The following RP1L1 variants were observed in gnomAD, a reference collection of about 807,000 sequenced individuals.
RP1L1 encodes the protein RP1 like 1, also known as retinitis pigmentosa 1-like 1 protein.
A neutral mutation model predicts 15.7 loss-of-function variants in RP1L1; 27 were observed. That is an observed-to-expected ratio of 1.72 (90% CI 1.27 to 2.38). The LOEUF (loss-of-function observed/expected upper bound fraction) is 2.38. Among genes scored for constraint, RP1L1 ranks in the 30% most tolerant of loss-of-function variants. RP1L1 has a pLI of 0.00. For missense variants in RP1L1, 4,798 were observed against 3,075.9 expected (o/e 1.56, Z -13.24); for synonymous variants, 1,813 against 1,276.7 (o/e 1.42, Z -8.96).
Position 10,610,450 on chromosome 8 carries a change from G to A in RP1L1, c.3648C>T (p.Pro1216=), listed in dbSNP as rs758359270. 6.2e-7 allele frequency: 1 copy of A among 1,613,836 alleles called. No individual in the cohort carries two copies. Among genetic ancestry groups the A allele is most frequent in the East Asian group, 2.2e-5 (1 of 44,870 alleles). ...GSGGSGESSV[P]CAMDGTLVTQ... Reference sequence around the variant, plus strand: ...TCACCAGGGTGCCGTCCATGGCACAGGGTACGCTACTCTCCCCTGAGCCTC... The same window carrying A: ...TCACCAGGGTGCCGTCCATGGCACAAGGTACGCTACTCTCCCCTGAGCCTC... The change falls in exon 4 of 4, where the codon CCC becomes CCT. Residue 1216 remains proline (P), a synonymous_variant. Transcript: ENST00000382483.
intron 2 of RP1L1, chr8:10,621,481 A>T (rs1798057804): frequency 3.2e-6 from 1 of 317,404 alleles, no homozygotes; most frequent in Non-Finnish European, 6.2e-6. Flanking sequence ...GTGCGCCAAC[A>T]CACCTGGCTA....
intron 1 of RP1L1, among the ~76,000 whole-genome samples, chr8:10,652,670 G>GAA (rs1187088621): frequency 6.9e-6 from 1 of 144,430 alleles, no homozygotes; most frequent in African/African-American, 2.5e-5. Flanking sequence ...CTGTATTGAA[G>GAA]AAAAAAAAAA....
Position 10,610,870 on chromosome 8 carries a change from AG to A in RP1L1, c.3227del (p.Pro1076LeufsTer11). The A allele has an allele frequency of 6.2e-7, 1 of 1,608,828 alleles. No individual in the cohort carries two copies. Among genetic ancestry groups the A allele is most frequent in the Non-Finnish European group, 8.5e-7 (1 of 1,177,394 alleles). On this transcript the variant is annotated frameshift_variant, in exon 4 of 4. Coordinates refer to ENST00000382483, the MANE Select transcript of RP1L1 (RefSeq NM_178857.6). LOFTEE classifies it low-confidence loss of function (END_TRUNC). ...TCTGCGTGGAGGCAGACACCCGGCC[AG>A]GAAGTGCCCGCAGGCTCACCCTGCA... is the stretch of plus-strand genomic sequence containing the variant. Reference protein sequence around the residue: ...AGCRVSLRALPGRVSASTQIM... With the variant: ...AGCRVSLRALXGRVSASTQIM...
chr8:10,624,630 G>T (rs770198958), intron 1 of RP1L1, among the ~76,000 whole-genome samples: 1 of 151,372 alleles, frequency 6.6e-6, no homozygotes, highest in Non-Finnish European at 1.5e-5. Context: ...GAAGGTTGGA[G>T]GCTTTTTGCA....
intron 1 of RP1L1, among the ~76,000 whole-genome samples, chr8:10,639,441 T>C (rs1370070636): frequency 3.3e-5 from 5 of 152,142 alleles, no homozygotes; most frequent in African/African-American, 9.7e-5. Context: ...GACACAATCA[T>C]AGCTCACTGC....
chr8:10,612,063 C>G lies in RP1L1; in HGVS notation c.2035G>C (p.Asp679His), dbSNP rs1585967870. The change falls in exon 4 of 4, where the codon GAC becomes CAC. Residue 679 changes from aspartate (D) to histidine (H), a missense_variant. Coordinates refer to ENST00000382483, the MANE Select transcript of RP1L1 (RefSeq NM_178857.6). ...GGCACTTGCTTGGTTACAGAGGAGT[C>G]CAGTGGGCTGTGGGTGTCCTTGCGG... ...HYRKDTHSPL[D>H]SSVTKQVPRP... The G allele has an allele frequency of 1.2e-6, 2 of 1,613,888 alleles. No individual in the cohort carries two copies. Among genetic ancestry groups the G allele is most frequent in the Admixed American group, 3.3e-5 (2 of 60,034 alleles).
At position 10,608,356 on chromosome 8, in the gene RP1L1, C is replaced by G; in HGVS notation, c.5742G>C (p.Glu1914Asp). The G allele has an allele frequency of 6.2e-7, 1 of 1,613,192 alleles. No individual in the cohort carries two copies. The highest frequency in any genetic ancestry group is 8.5e-7 in the Non-Finnish European group (1 of 1,179,922). Residue 1914 changes from glutamate to aspartate, a missense_variant, in exon 4 of 4, where the codon GAG (glutamate) becomes GAC (aspartate). Transcript: ENST00000382483. Reference sequence around the variant, plus strand: ...CTACACTTTCTGTCTCTGGCTGGGCCTCCTTTTCTGCCTCCGGGGCTTCTG... The same window carrying G: ...CTACACTTTCTGTCTCTGGCTGGGCGTCCTTTTCTGCCTCCGGGGCTTCTG... ...EGAEAPEAEK[E>D]AQPETESVEA...
intron 1 of RP1L1, among the ~76,000 whole-genome samples, chr8:10,635,280 A>C (rs965913031): frequency 6.8e-6 from 1 of 146,496 alleles, no homozygotes; most frequent in Middle Eastern, 3.5e-3. Context: ...TCAGCAGCCC[A>C]TAATTCTATC....
At position 10,609,529 on chromosome 8, in the gene RP1L1, C is replaced by T; in HGVS notation, c.4569G>A (p.Leu1523=). 6.2e-7 allele frequency: 1 copy of T among 1,607,784 alleles called. No homozygotes were observed. The highest frequency in any genetic ancestry group is 1.1e-5 in the South Asian group (1 of 90,924). The change falls in exon 4 of 4, where the codon CTG becomes CTA. Residue 1523 remains leucine (L), a synonymous_variant. Transcript: ENST00000382483. ...DCDPIWVSVL[L]KKTEKAFLAH... ...CCAGGAAGGCCTTCTCCGTCTTCTT[C>T]AGTAACACGGACACCCAGATGGGGT...
rs201810305 is a variant in RP1L1, at chr8:10,613,117, G to A, written c.981C>T (p.Val327=). ...EDGSLSVEMK[V]RFHLVGEDTL... is the part of the protein sequence containing the mutation. Reference sequence around the variant, plus strand: ...TGTCCTCGCCGACCAGGTGGAAGCGGACTTTCATCTCCACGGACAGGCTGC... The same window carrying A: ...TGTCCTCGCCGACCAGGTGGAAGCGAACTTTCATCTCCACGGACAGGCTGC... Residue 327 remains valine (V), a synonymous_variant, in exon 4 of 4, where the codon GTC becomes GTT. Transcript: ENST00000382483. The A allele has an allele frequency of 1.2e-4, 198 of 1,613,852 alleles. No homozygotes were observed. Among genetic ancestry groups the A allele is most frequent in the Non-Finnish European group, 1.7e-4 (196 of 1,180,054 alleles).
intron 2 of RP1L1, 37 bp from the exon 3 acceptor site, chr8:10,616,624 T>G (rs1563127932): frequency 6.3e-7 from 1 of 1,593,816 alleles, no homozygotes; most frequent in Non-Finnish European, 8.5e-7. Flanking sequence ...AGGCCTGGGC[T>G]GCAGAAACCC....
rs1421229888 is a variant in RP1L1, at chr8:10,610,343, T to G, written c.3755A>C (p.Asn1252Thr). Residue 1252 changes from asparagine (N) to threonine (T), a missense_variant, in exon 4 of 4, where the codon AAC (asparagine) becomes ACC (threonine). By Grantham distance (65) the Asn-to-Thr change is moderately conservative. Coordinates refer to ENST00000382483, the MANE Select transcript of RP1L1 (RefSeq NM_178857.6). ...RTYESPGDLE[N>T]QQQCCFPTFL... ...GGTTGGGAAACAACACTGCTGTTGG[T>G]TTTCCAGATCCCCTGGGCTCTCATA... is the stretch of plus-strand genomic sequence containing the variant. 6.2e-7 allele frequency: 1 copy of G among 1,614,002 alleles called. No individual in the cohort carries two copies. The highest frequency in any genetic ancestry group is 8.5e-7 in the Non-Finnish European group (1 of 1,180,032).
At position 10,609,412 on chromosome 8, in the gene RP1L1, C is replaced by T; in HGVS notation, c.4686G>A (p.Gln1562=). 2 of 1,612,344 alleles carry T rather than the reference C, an allele frequency of 1.2e-6. No homozygotes were observed. Among genetic ancestry groups the T allele is most frequent in the Non-Finnish European group, 1.7e-6 (2 of 1,179,922 alleles). The change falls in exon 4 of 4, where the codon CAG becomes CAA. Residue 1562 remains glutamine (Q), a synonymous_variant. Transcript: ENST00000382483. ...TGTCCTGGAGGCGTTGGGCCACGTCCTGCTGCAGCTCGGCCGCCATCTGGT... is the reference window on the plus strand; with the variant it reads ...TGTCCTGGAGGCGTTGGGCCACGTCTTGCTGCAGCTCGGCCGCCATCTGGT... ...LLDQMAAELQ[Q]DVAQRLQDST...
chr8:10,647,447 T>C (rs1014620805), intron 1 of RP1L1, among the ~76,000 whole-genome samples: 1 of 152,196 alleles, frequency 6.6e-6, no homozygotes, highest in Non-Finnish European at 1.5e-5. Flanking sequence ...TCCAAAACTC[T>C]ATCATCCTGG....
intron 3 of RP1L1, among the ~76,000 whole-genome samples, chr8:10,613,912 A>T (rs1797923224): frequency 6.6e-6 from 1 of 152,128 alleles, no homozygotes; most frequent in South Asian, 2.1e-4. Flanking sequence ...TTCAATCTCA[A>T]CTCTGCTGCT....
intron 2 of RP1L1, among the ~76,000 whole-genome samples, chr8:10,617,311 T>TGCTGGGG (rs1797982898): frequency 6.7e-6 from 1 of 149,452 alleles, no homozygotes; most frequent in East Asian, 2.0e-4. Context: ...TAATGAGCAA[T>TGCTGGGG]GCTGGGGAAT....
rs372482719 is a variant in RP1L1, at chr8:10,611,533, G to A, written c.2565C>T (p.Thr855=). The A allele has an allele frequency of 7.0e-5, 111 of 1,589,300 alleles. No homozygotes were observed. Among genetic ancestry groups the A allele is most frequent in the Non-Finnish European group, 9.4e-5 (110 of 1,168,716 alleles). The change falls in exon 4 of 4, where the codon ACC becomes ACT. Residue 855 remains threonine, a synonymous_variant. Transcript: ENST00000382483. The stretch of plus-strand genomic sequence containing the variant: ...GGGGGCAGGGCCGCCCCCTGGGCGG[G>A]GTGGGACAGTACCTGCCACACAGCC... ...ASWLCGRYCP[T]PPRGRPCPQR... is the part of the protein sequence containing the mutation.
At chr8:10,618,862 G>T (rs1049412885) in intron 2 of RP1L1, among the ~76,000 whole-genome samples, 6 of 151,574 alleles carry the variant, frequency 4.0e-5, no homozygotes, top group African/African-American at 9.7e-5. Flanking sequence ...GTGTTTTTTT[G>T]TTTGTTTGTT....
intron 3 of RP1L1, among the ~76,000 whole-genome samples, chr8:10,614,847 C>G (rs548275348): frequency 6.6e-6 from 1 of 152,152 alleles, no homozygotes; most frequent in East Asian, 1.9e-4. Flanking sequence ...ATGGGTGCAG[C>G]ACACCAACAT....
Sources: allele counts gnomAD v4.1 joint callset (sites outside exome capture counted in the v4.1 genomes callset), GRCh38; gene constraint gnomAD v4.1.1; transcripts MANE v1.5; gene names NCBI Gene and HGNC (gene_info 2026-07-23, HGNC 2026-07-21).